Variants in USP48 observed in about 807,000 individuals in gnomAD.
The protein encoded by USP48 is ubiquitin specific peptidase 48, also known as ubiquitin carboxyl-terminal hydrolase 48.
USP48 carries 43 observed loss-of-function variants against 150.7 expected under a neutral mutation model. That is an observed-to-expected ratio of 0.29 (90% CI 0.22 to 0.37). The LOEUF (loss-of-function observed/expected upper bound fraction) is 0.37, where lower values mean the gene tolerates loss of function less well. Among genes scored for constraint, USP48 ranks in the 10% least tolerant of loss-of-function variants. USP48 has a pLI of 1.00. For missense variants in USP48, 813 were observed against 1,249.6 expected, an observed-to-expected ratio of 0.65 and a Z score of 5.27; for synonymous variants, 396 against 425.9, an observed-to-expected ratio of 0.93 and a Z score of 0.86.
intron 3 of USP48, among the ~76,000 whole-genome samples, chr1:21,756,314 C>T (rs2097834317): frequency 6.6e-6 from 1 of 151,230 alleles, no homozygotes; most frequent in African/African-American, 2.4e-5. Flanking sequence ...AACGCTGTCT[C>T]TACTAAAAAT....
rs1195633673 is a variant in USP48, at chr1:21,678,930, A to G, written c.*487T>C. On this transcript the variant is annotated 3_prime_UTR_variant, in exon 27 of 27. Coordinates refer to ENST00000308271, the MANE Select transcript of USP48 (RefSeq NM_032236.8). ...AGTTCTTCACTTTCATGCTTTATTG[A>G]AAGTAGAATATGAATCAAAGACAGG... is the stretch of plus-strand genomic sequence containing the variant. 5.4e-6 allele frequency: 1 copy of G among 184,158 alleles called. No individual in the cohort carries two copies. Among genetic ancestry groups the G allele is most frequent in the Non-Finnish European group, 1.1e-5 (1 of 89,944 alleles). The allele number at this position is 184,158 out of a possible 1,614,324, so 11.4% of individuals were successfully genotyped here.
At position 21,721,767 on chromosome 1, in the gene USP48, A is replaced by G; in HGVS notation, c.1649-3T>C. Reference sequence around the variant, plus strand: ...ACATTCCTTACACAGGGCTTTCACTACAGGCAAGAAAGAATGAAAGGAAAT... The same window carrying G: ...ACATTCCTTACACAGGGCTTTCACTGCAGGCAAGAAAGAATGAAAGGAAAT... On this transcript the variant is annotated splice_region_variant and splice_polypyrimidine_tract_variant and intron_variant, in intron 12 of 26. Transcript: ENST00000308271. 1 of 1,568,250 alleles carries G rather than the reference A, an allele frequency of 6.4e-7. No homozygotes were observed. The highest frequency in any genetic ancestry group is 8.7e-7 in the Non-Finnish European group (1 of 1,152,356).
intron 8 of USP48, among the ~76,000 whole-genome samples, chr1:21,740,144 C>T (rs1005482003): frequency 9.9e-5 from 15 of 152,222 alleles, no homozygotes; most frequent in African/African-American, 2.2e-4. Flanking sequence ...CTCCCAAACT[C>T]GGGTGATCCA....
chr1:21,715,689 A>G (rs1450810292), intron 14 of USP48, among the ~76,000 whole-genome samples: 1 of 152,250 alleles, frequency 6.6e-6, no homozygotes, highest in African/African-American at 2.4e-5. Flanking sequence ...GTTATGCAAG[A>G]AAATGTGCTT....
chr1:21,763,936 AT>A (rs2097855872), intron 1 of USP48, among the ~76,000 whole-genome samples: 1 of 152,204 alleles, frequency 6.6e-6, no homozygotes, highest in Non-Finnish European at 1.5e-5. Context: ...GCACAGCAGA[AT>A]GCCAACCACA....
chr1:21,709,729 T>G (rs994817749), intron 15 of USP48, among the ~76,000 whole-genome samples: 7 of 152,158 alleles, frequency 4.6e-5, no homozygotes, highest in Admixed American at 2.0e-4. Context: ...TTCATTCTGA[T>G]GTGGGGGTAC....
Position 21,782,790 on chromosome 1 carries a change from G to T in USP48, c.134+34C>A, listed in dbSNP as rs534071808. 83 of 1,503,584 alleles carry T rather than the reference G, an allele frequency of 5.5e-5. No homozygotes were observed. In the African/African-American group the frequency reaches 1.1e-3, roughly 21 times the overall value. 93.1% of individuals were successfully genotyped at this position (1,503,584 alleles called of 1,614,324 possible). A position where few individuals can be genotyped will look rare whatever the true frequency, so the allele number is the denominator to read the frequency against. On this transcript the variant is annotated intron_variant, in intron 1 of 26. Transcript: ENST00000308271. ...GCCCGGGCTTTCCAAGGTCCGGCGC[G>T]AGGAGCCCGCGAGGCGCGGTGCGCG... is the stretch of plus-strand genomic sequence containing the variant.
At chr1:21,765,181 T>C (rs900016038) in intron 1 of USP48, among the ~76,000 whole-genome samples, 8 of 152,208 alleles carry the variant, frequency 5.3e-5, no homozygotes, top group African/African-American at 1.9e-4. Context: ...GATAATTTAA[T>C]GGGTACTTTG....
chr1:21,691,382 C>CCAG lies in USP48; in HGVS notation c.2884-1286_2884-1284dup, dbSNP rs370424534. ...AGTGTGGTGGCTCATGCTTGTAATACCAGCACTTTGAGAGGCTGAGGCAGG... is the reference window on the plus strand; with the variant it reads ...AGTGTGGTGGCTCATGCTTGTAATACCAGCAGCACTTTGAGAGGCTGAGGCAGG... On this transcript the variant is annotated intron_variant, in intron 23 of 26. Transcript: ENST00000308271. Among the ~76,000 whole-genome samples the CCAG allele has an allele frequency of 1.4e-3, 212 of 151,244 alleles. 2 individuals carry two copies. Among genetic ancestry groups the CCAG allele is most frequent in the African/African-American group, 4.7e-3 (192 of 41,178 alleles).
chr1:21,682,675 G>T (rs2097569364), intron 25 of USP48, among the ~76,000 whole-genome samples: 1 of 152,096 alleles, frequency 6.6e-6, no homozygotes, highest in Non-Finnish European at 1.5e-5. Context: ...ACGAGTTCCA[G>T]AGCAGCCTGG....
intron 9 of USP48, 44 bp from the exon 10 acceptor site, chr1:21,729,876 AGTTT>A: frequency 6.2e-7 from 1 of 1,613,120 alleles, no homozygotes. Context: ...AAGTGCCTAG[AGTTT>A]GTTTATTCTT....
intron 1 of USP48, among the ~76,000 whole-genome samples, chr1:21,773,922 G>A (rs375865032): frequency 6.6e-6 from 1 of 152,118 alleles, no homozygotes; most frequent in Non-Finnish European, 1.5e-5. Context: ...AGGACTGCTT[G>A]AAGCCAGGAA....
chr1:21,749,639 G>A (rs1219757699), intron 6 of USP48, among the ~76,000 whole-genome samples: 1 of 151,798 alleles, frequency 6.6e-6, no homozygotes, highest in East Asian at 1.9e-4. Flanking sequence ...GTCTTGCTCT[G>A]TCACCAAGGC....
intron 22 of USP48, among the ~76,000 whole-genome samples, chr1:21,697,805 C>T (rs1571743042): frequency 6.6e-6 from 1 of 152,010 alleles, no homozygotes; most frequent in African/African-American, 2.4e-5. Context: ...CCCTGAGCAT[C>T]AAGCAAGACA....
chr1:21,697,620 A>G (rs1247872476), intron 22 of USP48, among the ~76,000 whole-genome samples: 29 of 149,390 alleles, frequency 1.9e-4, no homozygotes, highest in Admixed American at 2.7e-4. Context: ...CTGAGATTGC[A>G]CCACTGCACT....
chr1:21,765,332 C>T (rs920547063), intron 1 of USP48, among the ~76,000 whole-genome samples: 4 of 152,064 alleles, frequency 2.6e-5, no homozygotes, highest in Non-Finnish European at 4.4e-5. Flanking sequence ...CAGGACAGAC[C>T]GGGCGGGGTG....
At position 21,706,853 on chromosome 1, in the gene USP48, G is replaced by C. The variant is rs916409017; in HGVS notation, c.1979C>G (p.Ser660Cys). 1 of 1,609,282 alleles carries C rather than the reference G, an allele frequency of 6.2e-7. No individual in the cohort carries two copies. The highest frequency in any genetic ancestry group is 8.5e-7 in the Non-Finnish European group (1 of 1,178,422). The change falls in exon 16 of 27, where the codon TCT (serine) becomes TGT (cysteine). Residue 660 changes from serine to cysteine, a missense_variant. Physicochemically the swap from Ser to Cys is moderately radical, Grantham distance 112. Transcript: ENST00000308271. ...ILCPHGELCISENERRLVSKE... is the reference protein window; with the variant it reads ...ILCPHGELCICENERRLVSKE... ...AGAAACAAGCCTTCTTTCATTTTCA[G>C]ATATGCATAACTCACCTGAGTTTAA...
At chr1:21,770,888 C>T (rs778506757) in intron 1 of USP48, among the ~76,000 whole-genome samples, 4 of 151,710 alleles carry the variant, frequency 2.6e-5, no homozygotes, top group Admixed American at 6.6e-5. Flanking sequence ...TATGGGACAC[C>T]GAGGCAGGCA....
chr1:21,700,535 A>C (rs898959232), intron 22 of USP48, among the ~76,000 whole-genome samples: 2 of 152,236 alleles, frequency 1.3e-5, no homozygotes, highest in Admixed American at 6.5e-5. Context: ...CCTGTCACAG[A>C]TATTGCAGAT....
Sources: gnomAD v4.1 joint callset for allele counts (sites outside exome capture counted in the v4.1 genomes callset) on GRCh38, gnomAD v4.1.1 for gene constraint, MANE v1.5 for transcripts, NCBI Gene and HGNC (gene_info 2026-07-23, HGNC 2026-07-21) for gene names.